The following GRID2 variants were observed in gnomAD, a reference collection of about 807,000 sequenced individuals.
GRID2 encodes the protein glutamate ionotropic receptor delta type subunit 2.
Under a neutral mutation model 114.8 loss-of-function variants are expected in GRID2, and 33 were observed. The ratio of observed to expected loss-of-function variants is 0.29; its 90% CI spans 0.22 to 0.38. GRID2 has a LOEUF of 0.38. Ranked by LOEUF, GRID2 falls within the 10% of genes least tolerant of loss-of-function variation. The probability of loss-of-function intolerance (pLI) is 1.00; values close to 1 mark genes in which losing one functional copy is unlikely to be tolerated. For synonymous variants in GRID2, 505 were observed against 449.9 expected (o/e 1.12, Z -1.55); for missense variants, 1,184 against 1,257.7 (o/e 0.94, Z 0.89).
intron 13 of GRID2, among the ~76,000 whole-genome samples, chr4:93,551,762 A>G (rs572740781): frequency 5.9e-5 from 9 of 152,318 alleles, no homozygotes; most frequent in Non-Finnish European, 1.0e-4. Context: ...CAAAACTGCA[A>G]TTGCTTTTGC....
chr4:93,121,868 T>C (rs1053346954), intron 4 of GRID2, among the ~76,000 whole-genome samples: 1 of 152,202 alleles, frequency 6.6e-6, no homozygotes, highest in African/African-American at 2.4e-5. Flanking sequence ...GATTTTAATT[T>C]GCATTTTTCT....
chr4:92,322,792 A>G (rs1238508715), intron 1 of GRID2, among the ~76,000 whole-genome samples: 8 of 152,152 alleles, frequency 5.3e-5, no homozygotes, highest in African/African-American at 1.7e-4. Flanking sequence ...GAAACAAATT[A>G]TATTTTGTTT....
At chr4:93,655,739 T>A (rs1722941641) in intron 14 of GRID2, among the ~76,000 whole-genome samples, 1 of 152,076 alleles carries the variant, frequency 6.6e-6, no homozygotes, top group Non-Finnish European at 1.5e-5. Flanking sequence ...TTGTTCTAAA[T>A]CCCTCATTGT....
At chr4:93,704,647 C>G (rs530777926) in intron 14 of GRID2, among the ~76,000 whole-genome samples, 318 of 152,262 alleles carry the variant, frequency 2.1e-3, no homozygotes, top group Non-Finnish European at 3.6e-3. Context: ...TCATCTTGCT[C>G]TTTATGAGTT....
intron 2 of GRID2, among the ~76,000 whole-genome samples, chr4:93,009,894 G>A (rs1267775142): frequency 6.6e-6 from 1 of 152,038 alleles, no homozygotes; most frequent in Non-Finnish European, 1.5e-5. Flanking sequence ...CCTTTACTAA[G>A]ATAGATCTTC....
chr4:92,607,561 A>G (rs1729518206), intron 2 of GRID2, among the ~76,000 whole-genome samples: 1 of 151,898 alleles, frequency 6.6e-6, no homozygotes, highest in South Asian at 2.1e-4. Context: ...ATTACCTAGA[A>G]TAATAATGAG....
At chr4:92,696,499 T>A (rs1488783957) in intron 2 of GRID2, among the ~76,000 whole-genome samples, 2 of 152,142 alleles carry the variant, frequency 1.3e-5, no homozygotes, top group Admixed American at 6.6e-5. Flanking sequence ...TTTACTGTAA[T>A]TACATATAAT....
At chr4:93,275,975 C>G (rs1455357512) in intron 8 of GRID2, among the ~76,000 whole-genome samples, 1 of 151,712 alleles carries the variant, frequency 6.6e-6, no homozygotes, top group African/African-American at 2.4e-5. Flanking sequence ...TTTTTTGAAT[C>G]TATACTTTTT....
intron 2 of GRID2, among the ~76,000 whole-genome samples, chr4:92,962,750 A>G (rs1560749613): frequency 6.6e-6 from 1 of 151,960 alleles, no homozygotes; most frequent in Non-Finnish European, 1.5e-5. Context: ...GCCTATGACT[A>G]GATCCCCCTA....
intron 1 of GRID2, among the ~76,000 whole-genome samples, chr4:92,556,375 C>A (rs948879686): frequency 6.6e-6 from 1 of 152,004 alleles, no homozygotes; most frequent in African/African-American, 2.4e-5. Flanking sequence ...ATTTGCCTTT[C>A]AAATTTTTAG....
intron 2 of GRID2, among the ~76,000 whole-genome samples, chr4:92,850,178 T>C (rs1206044318): frequency 2.0e-5 from 3 of 151,364 alleles, no homozygotes; most frequent in Non-Finnish European, 4.4e-5. Flanking sequence ...TAATATATAT[T>C]GATATGTTTA....
chr4:93,415,245 C>G, intron 9 of GRID2, among the ~76,000 whole-genome samples: 1 of 152,008 alleles, frequency 6.6e-6, no homozygotes, highest in East Asian at 1.9e-4. Context: ...GAATGTATTT[C>G]TTGATAGCTT....
intron 8 of GRID2, among the ~76,000 whole-genome samples, chr4:93,285,674 T>G (rs981295764): frequency 6.6e-6 from 1 of 152,012 alleles, no homozygotes; most frequent in Non-Finnish European, 1.5e-5. Flanking sequence ...GCAAATGAAG[T>G]CTTTAAAAAC....
intron 4 of GRID2, among the ~76,000 whole-genome samples, chr4:93,175,646 A>G (rs915301416): frequency 1.3e-5 from 2 of 152,170 alleles, no homozygotes; most frequent in African/African-American, 4.8e-5. Flanking sequence ...TTAAAGCTCA[A>G]TTTTCATACA....
At chr4:92,786,363 T>C (rs1739320981) in intron 2 of GRID2, among the ~76,000 whole-genome samples, 1 of 151,822 alleles carries the variant, frequency 6.6e-6, no homozygotes, top group Non-Finnish European at 1.5e-5. Flanking sequence ...GCTTTGAAAA[T>C]GAGAGAGTTT....
chr4:92,471,420 A>G (rs1413910632), intron 1 of GRID2, among the ~76,000 whole-genome samples: 2 of 152,036 alleles, frequency 1.3e-5, no homozygotes, highest in African/African-American at 4.8e-5. Context: ...TTGGTAAGTA[A>G]GTCATTACAA....
At chr4:92,476,233 G>A (rs1023136061) in intron 1 of GRID2, among the ~76,000 whole-genome samples, 1 of 151,986 alleles carries the variant, frequency 6.6e-6, no homozygotes, top group Non-Finnish European at 1.5e-5. Flanking sequence ...CACCGTGTTA[G>A]CCAGGATGGT....
In GRID2 at chr4:93,469,413, T is replaced by C. The variant is rs147415710; in HGVS notation, c.1858+13439T>C. 4.3e-3 allele frequency among the ~76,000 whole-genome samples: 653 copies of C among 152,086 alleles called. 8 individuals are homozygous for C. The highest frequency in any genetic ancestry group is 0.015 in the African/African-American group (623 of 41,554). ...TAAATAAGGCTTTCTTTTTAGAAAATTCTTCCTGAAAAGAAATTAAATTGA... is the reference window on the plus strand; with the variant it reads ...TAAATAAGGCTTTCTTTTTAGAAAACTCTTCCTGAAAAGAAATTAAATTGA... On this transcript the variant is annotated intron_variant, in intron 11 of 15. Transcript: ENST00000282020.
At chr4:92,800,664 T>C (rs1386207543) in intron 2 of GRID2, among the ~76,000 whole-genome samples, 5 of 152,026 alleles carry the variant, frequency 3.3e-5, no homozygotes, top group African/African-American at 1.2e-4. Flanking sequence ...TAAAGCATAA[T>C]AGGACGATCT....
Sources: allele counts gnomAD v4.1 joint callset (sites outside exome capture counted in the v4.1 genomes callset), GRCh38; gene constraint gnomAD v4.1.1; transcripts MANE v1.5; gene names NCBI Gene and HGNC (gene_info 2026-07-23, HGNC 2026-07-21).